The following HCK variants were observed in gnomAD, a reference collection of about 807,000 sequenced individuals.
HCK encodes the protein HCK proto-oncogene, Src family tyrosine kinase, also known as tyrosine-protein kinase HCK.
In HCK, 40 loss-of-function variants were observed where a neutral mutation model predicts 70.4. That is an observed-to-expected ratio of 0.57 (90% CI 0.44 to 0.74). The LOEUF (loss-of-function observed/expected upper bound fraction) is 0.74, where lower values mean the gene tolerates loss of function less well. HCK is among the 30% of genes least tolerant of loss of function. The probability of loss-of-function intolerance (pLI) is 0.00; values close to 1 mark genes in which losing one functional copy is unlikely to be tolerated. For missense variants in HCK, 568 were observed against 697.2 expected (o/e 0.81, Z 2.09); for synonymous variants, 245 against 263.2 (o/e 0.93, Z 0.67).
At chr20:32,054,348 G>A (rs1312258536) in intron 1 of HCK, 3 of 454,858 alleles carry the variant, frequency 6.6e-6, no homozygotes, top group African/African-American at 4.0e-5. Flanking sequence ...AGTGGTTCAT[G>A]CCTGTAATCC....
At chr20:32,079,072 C>T (rs913578779) in intron 5 of HCK, among the ~76,000 whole-genome samples, 8 of 152,178 alleles carry the variant, frequency 5.3e-5, no homozygotes, top group African/African-American at 1.9e-4. Flanking sequence ...TTTCCAACTG[C>T]TCCTCACCCC....
chr20:32,054,475 T>TAAACAAAAAAAAAA (rs2045235030), intron 1 of HCK, among the ~76,000 whole-genome samples: 1 of 15,864 alleles, frequency 6.3e-5, no homozygotes, highest in Non-Finnish European at 1.2e-4. Context: ...AAACTCCACC[T>TAAACAAAAAAAAAA]AAAAAAAAAA....
Position 32,101,426 on chromosome 20 carries a change from C to A in HCK, c.1488C>A (p.Asn496Lys), listed in dbSNP as rs1600755745. The A allele has an allele frequency of 6.2e-7, 1 of 1,614,202 alleles. No individual in the cohort carries two copies. Among genetic ancestry groups the A allele is most frequent in the Non-Finnish European group, 8.5e-7 (1 of 1,180,028 alleles). The change falls in exon 13 of 13, where the codon AAC (asparagine) becomes AAA (lysine). Residue 496 changes from asparagine to lysine, a missense_variant. By Grantham distance (94) the Asn-to-Lys change is moderately conservative (BLOSUM62 0). Transcript: ENST00000375852. ...ACATCATGATGCGCTGCTGGAAAAA[C>A]CGTCCGGAGGAGCGGCCGACCTTCG...
chr20:32,093,951 T>C lies in HCK; in HGVS notation c.1181T>C (p.Val394Ala). ...AACATCTTGGTCTCTGCATCCCTGG[T>C]GTGTAAGATTGCTGACTTTGGCCTG... The change falls in exon 11 of 13, where the codon GTG becomes GCG. Residue 394 changes from valine (V) to alanine (A), a missense_variant. Physicochemically the swap from Val to Ala is moderately conservative, Grantham distance 64 (BLOSUM62 0). Transcript: ENST00000375852. The C allele has an allele frequency of 1.2e-6, 2 of 1,612,216 alleles. No homozygotes were observed. The highest frequency in any genetic ancestry group is 4.5e-5 in the East Asian group (2 of 44,712).
chr20:32,053,960 A>G (rs2045223618), intron 1 of HCK, among the ~76,000 whole-genome samples: 1 of 152,018 alleles, frequency 6.6e-6, no homozygotes, highest in Non-Finnish European at 1.5e-5. Flanking sequence ...CTCAATGCCT[A>G]TCAGTTGCCT....
intron 1 of HCK, among the ~76,000 whole-genome samples, chr20:32,052,804 T>TGG (rs1555873133): frequency 0.012 from 1,467 of 121,272 alleles, 50 homozygotes; most frequent in African/African-American, 0.015. Flanking sequence ...GGGATTTTTT[T>TGG]TTTAATTTAA....
In HCK at chr20:32,084,656, G is replaced by A. The variant is rs1018546347; in HGVS notation, c.835+113G>A. The A allele has an allele frequency of 4.2e-6, 4 of 958,230 alleles. No individual in the cohort carries two copies. In the African/African-American group the frequency reaches 6.6e-5, roughly 16 times the overall value. 59.4% of individuals were successfully genotyped at this position (958,230 alleles called of 1,614,324 possible). A position where few individuals can be genotyped will look rare whatever the true frequency, so the allele number is the denominator to read the frequency against. On this transcript the variant is annotated intron_variant, in intron 8 of 12. Coordinates refer to ENST00000375852, the MANE Select transcript of HCK (RefSeq NM_002110.5). ...GGGAATGCTACCCAAGGCAGAGGGGGAGATTTAAATAATAGCCATAAAGAA... is the reference window on the plus strand; with the variant it reads ...GGGAATGCTACCCAAGGCAGAGGGGAAGATTTAAATAATAGCCATAAAGAA...
chr20:32,075,626 C>T (rs1206642870), intron 5 of HCK, among the ~76,000 whole-genome samples: 2 of 152,176 alleles, frequency 1.3e-5, no homozygotes, highest in African/African-American at 4.8e-5. Flanking sequence ...CATAACCCAT[C>T]GTTCTTGGCT....
chr20:32,095,531 A>G (rs2045942998), intron 11 of HCK, among the ~76,000 whole-genome samples: 1 of 152,204 alleles, frequency 6.6e-6, no homozygotes. Context: ...TGCTGGGATT[A>G]CAGGTGTGAG....
chr20:32,059,503 C>G (rs1439812069), intron 1 of HCK, among the ~76,000 whole-genome samples: 1 of 36,220 alleles, frequency 2.8e-5, no homozygotes, highest in African/African-American at 1.1e-4. Context: ...GCTTCTCTCT[C>G]TCTCTCTCTT....
intron 5 of HCK, among the ~76,000 whole-genome samples, chr20:32,077,133 G>T (rs2045638561): frequency 6.6e-6 from 1 of 152,082 alleles, no homozygotes; most frequent in Non-Finnish European, 1.5e-5. Context: ...TGTCCTTTCA[G>T]GGCACTCAGG....
intron 11 of HCK, among the ~76,000 whole-genome samples, chr20:32,097,744 C>G (rs1299129279): frequency 6.6e-6 from 1 of 152,102 alleles, no homozygotes; most frequent in East Asian, 1.9e-4. Flanking sequence ...CTCTCACACA[C>G]ACAAACACAC....
At position 32,052,506 on chromosome 20, in the gene HCK, G is replaced by A; in HGVS notation, c.62+20G>A. The A allele has an allele frequency of 1.6e-6, 2 of 1,263,508 alleles. No homozygotes were observed. Among genetic ancestry groups the A allele is most frequent in the East Asian group, 3.1e-5 (1 of 31,844 alleles). The allele number at this position is 1,263,508 out of a possible 1,614,324, so 78.3% of individuals were successfully genotyped here. ...GCCCAGGTGAGTGCCGCGCACAGGGGACCGGGAATACCCGGCCCGCGAGGG... is the reference window on the plus strand; with the variant it reads ...GCCCAGGTGAGTGCCGCGCACAGGGAACCGGGAATACCCGGCCCGCGAGGG... On this transcript the variant is annotated intron_variant, in intron 1 of 12. Transcript: ENST00000375852.
At chr20:32,088,043 T>G (rs923399200) in intron 9 of HCK, among the ~76,000 whole-genome samples, 10 of 152,126 alleles carry the variant, frequency 6.6e-5, no homozygotes, top group African/African-American at 2.4e-4. Context: ...ATTATAGGCA[T>G]GAACCACTGA....
At chr20:32,074,491 A>C in intron 4 of HCK, 132 bp from the exon 5 acceptor site, 1 of 682,652 alleles carries the variant, frequency 1.5e-6, no homozygotes, top group Non-Finnish European at 2.7e-6. Context: ...GGGCTGACAT[A>C]GTCACAGCCC....
intron 8 of HCK, among the ~76,000 whole-genome samples, chr20:32,086,236 G>C (rs2045784169): frequency 6.6e-6 from 1 of 152,198 alleles, no homozygotes; most frequent in Non-Finnish European, 1.5e-5. Flanking sequence ...AGCCAGGATG[G>C]TCTCGATCTC....
chr20:32,056,676 A>G (rs572031135), intron 1 of HCK, among the ~76,000 whole-genome samples: 1 of 152,256 alleles, frequency 6.6e-6, no homozygotes, highest in African/African-American at 2.4e-5. Context: ...TATTATTACC[A>G]TTCTAATGGG....
rs116282079 is a variant in HCK at position 32,061,884 on chromosome 20, G to A, written c.62+9398G>A. Among the ~76,000 whole-genome samples, 1,128 of 151,732 alleles carry A rather than the reference G, an allele frequency of 7.4e-3. 16 individuals carry two copies. Among genetic ancestry groups the A allele is most frequent in the African/African-American group, 0.026 (1,071 of 41,326 alleles). On this transcript the variant is annotated intron_variant, in intron 1 of 12. Coordinates refer to ENST00000375852, the MANE Select transcript of HCK (RefSeq NM_002110.5). ...GGACTTGGGCTTTTACTCCAAGTGAGACGGAAACCCTGGGTGGGGGTTGAG... is the reference window on the plus strand; with the variant it reads ...GGACTTGGGCTTTTACTCCAAGTGAAACGGAAACCCTGGGTGGGGGTTGAG...
At chr20:32,066,304 T>A (rs890510020) in intron 1 of HCK, among the ~76,000 whole-genome samples, 1 of 26,438 alleles carries the variant, frequency 3.8e-5, no homozygotes, top group African/African-American at 3.2e-4. Flanking sequence ...CTCCAGTGAC[T>A]TTTTTTTTTT....
Sources: gnomAD v4.1 joint callset for allele counts (sites outside exome capture counted in the v4.1 genomes callset) on GRCh38, gnomAD v4.1.1 for gene constraint, MANE v1.5 for transcripts, NCBI Gene and HGNC (gene_info 2026-07-23, HGNC 2026-07-21) for gene names.